DAB1: variants seen among roughly 807,000 people sequenced by gnomAD.
DAB1 encodes the protein DAB adaptor protein 1.
Under a neutral mutation model 64.6 loss-of-function variants are expected in DAB1, and 15 were observed. The observed-to-expected ratio is 0.23, with a 90% CI of 0.16 to 0.36. The LOEUF (loss-of-function observed/expected upper bound fraction) is 0.36. DAB1 is among the 10% of genes least tolerant of loss of function. DAB1 has a pLI of 1.00. For missense variants in DAB1, 596 were observed against 706.7 expected, an observed-to-expected ratio of 0.84 and a Z score of 1.78; for synonymous variants, 235 against 251.9, an observed-to-expected ratio of 0.93 and a Z score of 0.64.
At chr1:57,722,888 A>C (rs1055473457) in intron 6 of DAB1, among the ~76,000 whole-genome samples, 2 of 152,190 alleles carry the variant, frequency 1.3e-5, no homozygotes, top group East Asian at 3.9e-4. Flanking sequence ...CCACGCCCTA[A>C]ATCTCCCCAA....
At chr1:57,472,223 G>A (rs568888164) in intron 7 of DAB1, among the ~76,000 whole-genome samples, 8 of 152,318 alleles carry the variant, frequency 5.3e-5, no homozygotes, top group East Asian at 3.9e-4. Flanking sequence ...GGCTTGTGCC[G>A]TTTTAGAACA....
intron 1 of DAB1, chr1:58,534,121 T>C (rs749290586): frequency 1.2e-6 from 1 of 867,912 alleles, no homozygotes; most frequent in Non-Finnish European, 2.0e-6. Flanking sequence ...GGACAATAAA[T>C]TTAACAATTA....
At chr1:57,335,698 C>T (rs1677026166) in intron 1 of DAB1, among the ~76,000 whole-genome samples, 1 of 152,158 alleles carries the variant, frequency 6.6e-6, no homozygotes, top group Non-Finnish European at 1.5e-5. Context: ...AACTGATAAA[C>T]TCTCTTTTAT....
In DAB1 at chr1:57,921,929, C is replaced by T. The variant is rs562934663; in HGVS notation, n.388-37767G>A. Among the ~76,000 whole-genome samples the T allele has an allele frequency of 2.6e-5, 4 of 152,326 alleles. No individual in the cohort carries two copies. The South Asian group carries it at 8.3e-4, about 32-fold the overall frequency. On this transcript the variant is annotated intron_variant and non_coding_transcript_variant, in intron 5 of 20. Coordinates refer to the DAB1 transcript ENST00000485760. Reference sequence around the variant, plus strand: ...ATCTTTCTGCTCCAGCTACACCGGCCCCCTCCGTGGTGTTTCTTGAGCTAA... The same window carrying T: ...ATCTTTCTGCTCCAGCTACACCGGCTCCCTCCGTGGTGTTTCTTGAGCTAA...
chr1:57,802,731 G>T (rs542964957), intron 6 of DAB1, among the ~76,000 whole-genome samples: 3 of 152,014 alleles, frequency 2.0e-5, no homozygotes, highest in African/African-American at 4.8e-5. Context: ...AGTAAGACAC[G>T]CCCACTTCCC....
rs76123912 is a variant in DAB1 at position 57,655,696 on chromosome 1, A to T, written n.552-6031T>A. On this transcript the variant is annotated intron_variant and non_coding_transcript_variant, in intron 6 of 20. Coordinates refer to the DAB1 transcript ENST00000485760. ...GAGAAACATGAAACAGGGAAAGGGG[A>T]TCTGGCACACGTTAGTGGCTGAAAT... is the stretch of plus-strand genomic sequence containing the variant. Among the ~76,000 whole-genome samples the T allele has an allele frequency of 3.9e-4, 60 of 152,350 alleles. No homozygotes were observed. The East Asian group carries it at 0.011, about 29-fold the overall frequency.
intron 7 of DAB1, among the ~76,000 whole-genome samples, chr1:57,637,388 C>T (rs1476997188): frequency 6.6e-6 from 1 of 152,136 alleles, no homozygotes; most frequent in African/African-American, 2.4e-5. Flanking sequence ...GGGAAAGATG[C>T]CTAATCCATC....
At chr1:57,238,852 C>CACACACAG in intron 2 of DAB1, among the ~76,000 whole-genome samples, 1 of 141,672 alleles carries the variant, frequency 7.1e-6, no homozygotes, top group Non-Finnish European at 1.5e-5. Flanking sequence ...CACACACACA[C>CACACACAG]ACACACATAC....
intron 3 of DAB1, among the ~76,000 whole-genome samples, chr1:58,373,705 G>T (rs1032914311): frequency 6.6e-6 from 1 of 152,012 alleles, no homozygotes; most frequent in Non-Finnish European, 1.5e-5. Context: ...GTAATGGGAT[G>T]GCTGGGTCAA....
chr1:57,338,401 C>A (rs1366700265), intron 1 of DAB1, among the ~76,000 whole-genome samples: 1 of 152,122 alleles, frequency 6.6e-6, no homozygotes, highest in Non-Finnish European at 1.5e-5. Flanking sequence ...ACACAGAGAT[C>A]CCTTATTATG....
chr1:57,148,510 A>C (rs1385496460), intron 2 of DAB1, among the ~76,000 whole-genome samples: 1 of 152,252 alleles, frequency 6.6e-6, no homozygotes, highest in Non-Finnish European at 1.5e-5. Context: ...CTTTAATTCT[A>C]TCTGAGGCAC....
chr1:58,384,380 A>G (rs1022951353), intron 3 of DAB1, among the ~76,000 whole-genome samples: 2 of 152,156 alleles, frequency 1.3e-5, no homozygotes, highest in African/African-American at 4.8e-5. Context: ...GGGGATGAGG[A>G]GTTGTTGTTT....
intron 6 of DAB1, among the ~76,000 whole-genome samples, chr1:57,692,738 T>C (rs1646778653): frequency 6.6e-6 from 1 of 152,168 alleles, no homozygotes; most frequent in Admixed American, 6.5e-5. Context: ...ATAGACTCTT[T>C]GGCAGCAGTG....
At chr1:57,779,341 A>T (rs1649959566) in intron 6 of DAB1, among the ~76,000 whole-genome samples, 1 of 152,146 alleles carries the variant, frequency 6.6e-6, no homozygotes, top group Non-Finnish European at 1.5e-5. Context: ...GCGTGACTGA[A>T]GCGAAATGAA....
intron 3 of DAB1, among the ~76,000 whole-genome samples, chr1:58,484,505 T>A (rs1287775616): frequency 3.3e-5 from 5 of 152,220 alleles, no homozygotes; most frequent in African/African-American, 9.6e-5. Flanking sequence ...TTTATATAGA[T>A]AATTACATAA....
chr1:58,182,868 GT>G (rs927814571), intron 4 of DAB1, among the ~76,000 whole-genome samples: 3 of 151,082 alleles, frequency 2.0e-5, no homozygotes, highest in African/African-American at 4.9e-5. Context: ...TGCACATCTT[GT>G]TTTTTTTGTT....
intron 4 of DAB1, among the ~76,000 whole-genome samples, chr1:58,164,886 G>A (rs1454285040): frequency 2.6e-5 from 4 of 152,116 alleles, no homozygotes; most frequent in Non-Finnish European, 5.9e-5. Context: ...TTTAGAATAG[G>A]GGTTAGGTCT....
intron 1 of DAB1, among the ~76,000 whole-genome samples, chr1:57,358,737 G>C (rs1052250022): frequency 1.3e-5 from 2 of 151,942 alleles, no homozygotes; most frequent in African/African-American, 4.8e-5. Flanking sequence ...ATACTACAAA[G>C]CTACAGTAAC....
At chr1:57,598,588 G>A (rs1009054916) in intron 7 of DAB1, among the ~76,000 whole-genome samples, 1 of 152,162 alleles carries the variant, frequency 6.6e-6, no homozygotes, top group Non-Finnish European at 1.5e-5. Flanking sequence ...ACTGTGCTGG[G>A]AATACAGAAA....
Sources: allele counts gnomAD v4.1 joint callset (sites outside exome capture counted in the v4.1 genomes callset), GRCh38; gene constraint gnomAD v4.1.1; transcripts MANE v1.5; gene names NCBI Gene and HGNC (gene_info 2026-07-23, HGNC 2026-07-21).